The following PCSK6 variants were observed in gnomAD, a reference collection of about 807,000 sequenced individuals.
The protein encoded by PCSK6 is proprotein convertase subtilisin/kexin type 6, also known as paired basic amino acid cleaving enzyme 4.
A neutral mutation model predicts 123.3 loss-of-function variants in PCSK6; 85 were observed. The observed-to-expected ratio is 0.69, with a 90% CI of 0.58 to 0.83. The LOEUF is 0.83. PCSK6 is among the 40% of genes least tolerant of loss of function. PCSK6 has a pLI of 0.00. For synonymous variants in PCSK6, 508 were observed against 516.0 expected (o/e 0.98, Z 0.21); for missense variants, 1,191 against 1,282.3 (o/e 0.93, Z 1.09).
rs1427099376 is a variant in PCSK6 at position 101,489,557 on chromosome 15, C to A, written c.114G>T (p.Gly38=). The A allele has an allele frequency of 2.9e-3, 2,777 of 966,920 alleles. 3 individuals are homozygous for A. Among genetic ancestry groups the A allele is most frequent in the Non-Finnish European group, 3.2e-3 (2,604 of 821,478 alleles). 59.9% of individuals were successfully genotyped at this position (966,920 alleles called of 1,614,324 possible). A position where few individuals can be genotyped will look rare whatever the true frequency, so the allele number is the denominator to read the frequency against. ...GCGGCGCGAGCGGCCGGAACCCGGG[C>A]CCGCCGGCGCCCCCCGCGCCCCCCG... ...GGAGGAGGAG[G]PGFRPLAPRP... is the part of the protein sequence containing the mutation. The change falls in exon 1 of 22, where the codon GGG becomes GGT. Residue 38 remains glycine (G), a synonymous_variant. Coordinates refer to ENST00000611716, the MANE Select transcript of PCSK6 (RefSeq NM_002570.5).
At chr15:101,461,314 AAAAC>A (rs1020418827) in intron 1 of PCSK6, among the ~76,000 whole-genome samples, 3 of 152,204 alleles carry the variant, frequency 2.0e-5, no homozygotes, top group African/African-American at 7.2e-5. Flanking sequence ...CACTAACTAA[AAAAC>A]AAATACAGGA....
intron 13 of PCSK6, among the ~76,000 whole-genome samples, chr15:101,333,172 A>T (rs1157712612): frequency 6.6e-6 from 1 of 152,188 alleles, no homozygotes; most frequent in African/African-American, 2.4e-5. Context: ...TAACCACGGC[A>T]TCCCCAGAAT....
intron 6 of PCSK6, among the ~76,000 whole-genome samples, chr15:101,407,428 C>G (rs114966590): frequency 2.9e-3 from 444 of 152,198 alleles, no homozygotes; most frequent in African/African-American, 9.4e-3. Context: ...TTCCTTCAGG[C>G]GCTACCCAGG....
In PCSK6 at chr15:101,489,674, G is replaced by A. The variant is rs1342481920; in HGVS notation, c.-4C>T. On this transcript the variant is annotated 5_prime_UTR_variant, in exon 1 of 22. Transcript: ENST00000611716. ...CAGGCGGCGCGCGCGGAGGCATAGC[G>A]GCGACAGGCTCGCGCGGCGCCCGAG... 3.1e-6 allele frequency: 3 copies of A among 975,004 alleles called. No homozygotes were observed. The highest frequency in any genetic ancestry group is 1.8e-5 in the African/African-American group (1 of 56,312). The allele number at this position is 975,004 out of a possible 1,614,324, so 60.4% of individuals were successfully genotyped here. A position where few individuals can be genotyped will look rare whatever the true frequency, so the allele number is the denominator to read the frequency against.
At chr15:101,315,150 G>A (rs1194877815) in intron 19 of PCSK6, among the ~76,000 whole-genome samples, 1 of 152,256 alleles carries the variant, frequency 6.6e-6, no homozygotes, top group African/African-American at 2.4e-5. Context: ...CATGCTCAAT[G>A]TATTAAGCTT....
intron 1 of PCSK6, among the ~76,000 whole-genome samples, chr15:101,479,463 T>C (rs1323323945): frequency 9.2e-5 from 14 of 152,082 alleles, no homozygotes; most frequent in Non-Finnish European, 1.9e-4. Context: ...AGTGAGGCAG[T>C]CACCAGGACA....
chr15:101,397,287 A>G (rs1056628156), intron 7 of PCSK6, among the ~76,000 whole-genome samples: 1 of 151,932 alleles, frequency 6.6e-6, no homozygotes, highest in Admixed American at 6.6e-5. Flanking sequence ...TTGAAAACAG[A>G]TTCCTCCTCC....
chr15:101,374,302 G>A (rs1389332592), intron 11 of PCSK6, among the ~76,000 whole-genome samples: 2 of 151,526 alleles, frequency 1.3e-5, no homozygotes, highest in Non-Finnish European at 1.5e-5. Context: ...TTTTTCCAAT[G>A]CATAATACTA....
chr15:101,399,191 A>C (rs1322068757), intron 6 of PCSK6, among the ~76,000 whole-genome samples: 1 of 151,806 alleles, frequency 6.6e-6, no homozygotes, highest in East Asian at 1.9e-4. Flanking sequence ...GTGAGCCACC[A>C]CTCCTGGCCA....
chr15:101,438,751 T>C (rs112872574), intron 2 of PCSK6, among the ~76,000 whole-genome samples: 2,677 of 152,292 alleles, frequency 0.018, 52 homozygotes, highest in South Asian at 0.053. Context: ...GAACTAGTCA[T>C]CGTTCCCAAC....
chr15:101,476,142 G>A lies in PCSK6; in HGVS notation c.297+13232C>T, dbSNP rs566485604. Among the ~76,000 whole-genome samples, 15 of 152,164 alleles carry A rather than the reference G, an allele frequency of 9.9e-5. No homozygotes were observed. In the South Asian group the frequency reaches 3.1e-3, roughly 32 times the overall value. On this transcript the variant is annotated intron_variant, in intron 1 of 21. Coordinates refer to ENST00000611716, the MANE Select transcript of PCSK6 (RefSeq NM_002570.5). The stretch of plus-strand genomic sequence containing the variant: ...TTTGTTTCCACATCTGTAAAATGAG[G>A]GTAATAATAACACCTACCCCATAGA...
At chr15:101,470,309 G>A (rs188805746) in intron 1 of PCSK6, among the ~76,000 whole-genome samples, 37 of 152,248 alleles carry the variant, frequency 2.4e-4, no homozygotes, top group Admixed American at 1.4e-3. Context: ...TGTAATTAGT[G>A]TAATATCTGT....
At chr15:101,329,865 C>A (rs1159281500) in intron 15 of PCSK6, among the ~76,000 whole-genome samples, 1 of 152,226 alleles carries the variant, frequency 6.6e-6, no homozygotes, top group Non-Finnish European at 1.5e-5. Context: ...CTCTTCCCTG[C>A]CTCCTGCCCC....
At chr15:101,364,318 G>A (rs754412738) in intron 13 of PCSK6, among the ~76,000 whole-genome samples, 2 of 152,146 alleles carry the variant, frequency 1.3e-5, no homozygotes, top group African/African-American at 4.8e-5. Context: ...CTATGCATTC[G>A]ACCCAGAGAA....
At chr15:101,406,238 A>G (rs930936154) in intron 6 of PCSK6, among the ~76,000 whole-genome samples, 6 of 151,588 alleles carry the variant, frequency 4.0e-5, no homozygotes, top group Admixed American at 6.6e-5. Context: ...ACACGCACAC[A>G]TGCACATCAA....
At chr15:101,346,998 TG>T in intron 13 of PCSK6, 1 of 1,231,760 alleles carries the variant, frequency 8.1e-7, no homozygotes. Flanking sequence ...AGAGATTGAC[TG>T]CAATATTAAT....
At chr15:101,336,304 G>A (rs1012965319) in intron 13 of PCSK6, among the ~76,000 whole-genome samples, 3 of 152,202 alleles carry the variant, frequency 2.0e-5, no homozygotes, top group African/African-American at 7.2e-5. Context: ...CTTCATGATG[G>A]TAAAGCACTT....
At chr15:101,371,582 G>A (rs1169552840) in intron 11 of PCSK6, among the ~76,000 whole-genome samples, 1 of 152,216 alleles carries the variant, frequency 6.6e-6, no homozygotes, top group Non-Finnish European at 1.5e-5. Context: ...TGAGCATAAG[G>A]CACTGGCCTG....
In PCSK6 at chr15:101,434,854, C is replaced by A. The variant is rs537858661; in HGVS notation, c.403-2754G>T. Among the ~76,000 whole-genome samples, 8 of 152,272 alleles carry A rather than the reference C, an allele frequency of 5.3e-5. No individual in the cohort carries two copies. The South Asian group carries it at 1.5e-3, about 28-fold the overall frequency. On this transcript the variant is annotated intron_variant, in intron 2 of 21. Coordinates refer to ENST00000611716, the MANE Select transcript of PCSK6 (RefSeq NM_002570.5). ...AGTCACTCCCTTGCTTCTCACCCAG[C>A]TCCAGGACAGCACAAGGGGATCCCG...
Sources: gnomAD v4.1 joint callset for allele counts (sites outside exome capture counted in the v4.1 genomes callset) on GRCh38, gnomAD v4.1.1 for gene constraint, MANE v1.5 for transcripts, NCBI Gene and HGNC (gene_info 2026-07-23, HGNC 2026-07-21) for gene names.